CNTN5: variants seen among roughly 807,000 people sequenced by gnomAD.
The protein encoded by CNTN5 is contactin 5, also known as contactin-5.
A neutral mutation model predicts 129.1 loss-of-function variants in CNTN5; 77 were observed. The observed-to-expected ratio is 0.60, with a 90% CI of 0.50 to 0.72. CNTN5 has a LOEUF of 0.72. CNTN5 is among the 30% of genes least tolerant of loss of function. The probability of loss-of-function intolerance (pLI) is 0.00; values close to 1 mark genes in which losing one functional copy is unlikely to be tolerated. For missense variants in CNTN5, 1,478 were observed against 1,328.8 expected, an observed-to-expected ratio of 1.11 and a Z score of -1.75; for synonymous variants, 509 against 465.6, an observed-to-expected ratio of 1.09 and a Z score of -1.20.
chr11:99,046,072 C>T (rs1216149222), intron 1 of CNTN5, among the ~76,000 whole-genome samples: 2 of 152,184 alleles, frequency 1.3e-5, no homozygotes, highest in Admixed American at 1.3e-4. Flanking sequence ...GGTGCGGTGG[C>T]TCACGCCTGT....
chr11:100,275,096 C>A (rs370717188), intron 18 of CNTN5, among the ~76,000 whole-genome samples: 22 of 148,962 alleles, frequency 1.5e-4, no homozygotes, highest in South Asian at 2.1e-4. Context: ...ATTAAACAAC[C>A]AAAAAAAAAA....
At position 99,525,154 on chromosome 11, in the gene CNTN5, T is replaced by A. The variant is rs963046802; in HGVS notation, c.-70-30991T>A. 3.3e-5 allele frequency among the ~76,000 whole-genome samples: 5 copies of A among 152,170 alleles called. No individual in the cohort carries two copies. In the South Asian group the frequency reaches 1.0e-3, roughly 32 times the overall value. ...AAGCCAATTTAAAGGGAGGCTTTTTTTTTACATTAGGAAGACCTATCTTCT... is the reference window on the plus strand; with the variant it reads ...AAGCCAATTTAAAGGGAGGCTTTTTATTTACATTAGGAAGACCTATCTTCT... On this transcript the variant is annotated intron_variant, in intron 2 of 24. Transcript: ENST00000524871.
At chr11:99,653,209 TAGAC>T (rs1453241818) in intron 3 of CNTN5, among the ~76,000 whole-genome samples, 6 of 152,068 alleles carry the variant, frequency 3.9e-5, no homozygotes, top group Admixed American at 1.3e-4. Context: ...AGTGAACTCA[TAGAC>T]AGATTGGATT....
chr11:99,799,858 T>G (rs1028302272), intron 3 of CNTN5, among the ~76,000 whole-genome samples: 2 of 152,130 alleles, frequency 1.3e-5, no homozygotes, highest in Admixed American at 6.5e-5. Flanking sequence ...GGAATTTGGC[T>G]GTGAATCCAT....
chr11:100,122,555 G>A (rs900347943), intron 13 of CNTN5, among the ~76,000 whole-genome samples: 8 of 152,040 alleles, frequency 5.3e-5, no homozygotes, highest in African/African-American at 1.9e-4. Context: ...AGTCCAATCT[G>A]GAGAGGTCAG....
rs184028875 is a variant in CNTN5, at chr11:100,002,797, T to G, written c.980+661T>G. Among the ~76,000 whole-genome samples, 606 of 152,248 alleles carry G rather than the reference T, an allele frequency of 4.0e-3. 4 individuals are homozygous for G. Among genetic ancestry groups the G allele is most frequent in the African/African-American group, 0.014 (568 of 41,566 alleles). On this transcript the variant is annotated intron_variant, in intron 9 of 24. Coordinates refer to ENST00000524871, the MANE Select transcript of CNTN5 (RefSeq NM_014361.4). The stretch of plus-strand genomic sequence containing the variant: ...GAGATCAGAGGCAGAAGTGGAATTT[T>G]GATTATATTTGATTATTGTATTATG...
chr11:100,306,232 G>A (rs1951346630), intron 20 of CNTN5, among the ~76,000 whole-genome samples: 1 of 151,610 alleles, frequency 6.6e-6, no homozygotes, highest in South Asian at 2.1e-4. Flanking sequence ...AAAAGTTAAG[G>A]TGCTTGTTTG....
chr11:100,020,045 A>C (rs188297712), intron 9 of CNTN5, among the ~76,000 whole-genome samples: 1 of 152,054 alleles, frequency 6.6e-6, no homozygotes, highest in African/African-American at 2.4e-5. Context: ...AATCTTTATC[A>C]TATATATGAT....
intron 2 of CNTN5, among the ~76,000 whole-genome samples, chr11:99,411,521 AAAATAAAT>A (rs953278056): frequency 7.9e-5 from 12 of 151,760 alleles, no homozygotes; most frequent in African/African-American, 2.2e-4. Flanking sequence ...CCTTGTCTCA[AAAATAAAT>A]AAATAAATAC....
intron 1 of CNTN5, among the ~76,000 whole-genome samples, chr11:99,313,780 G>A (rs1258182850): frequency 6.6e-6 from 1 of 151,926 alleles, no homozygotes; most frequent in Non-Finnish European, 1.5e-5. Context: ...CAACTGAACA[G>A]CAAATATTTA....
intron 1 of CNTN5, among the ~76,000 whole-genome samples, chr11:99,226,031 G>A (rs17133291): frequency 5.3e-5 from 8 of 152,054 alleles, no homozygotes; most frequent in African/African-American, 1.7e-4. Flanking sequence ...TGAAGTCATC[G>A]TACAAATAAG....
At chr11:99,955,583 A>C (rs1950780414) in intron 7 of CNTN5, among the ~76,000 whole-genome samples, 1 of 151,890 alleles carries the variant, frequency 6.6e-6, no homozygotes, top group Non-Finnish European at 1.5e-5. Context: ...TTTTTGAGAC[A>C]GAGTCTTGCT....
intron 13 of CNTN5, among the ~76,000 whole-genome samples, chr11:100,115,551 A>G (rs1945815446): frequency 6.6e-6 from 1 of 152,058 alleles, no homozygotes; most frequent in African/African-American, 2.4e-5. Context: ...TGAACACGCC[A>G]GCAGAATGTA....
chr11:99,826,289 G>T lies in CNTN5; in HGVS notation c.277+6524G>T, dbSNP rs7932178. 1.2e-3 allele frequency among the ~76,000 whole-genome samples: 185 copies of T among 152,196 alleles called. 1 individual carries two copies. Among genetic ancestry groups the T allele is most frequent in the African/African-American group, 4.1e-3 (172 of 41,516 alleles). Reference sequence around the variant, plus strand: ...TATAATGACATTTTGAGGCATTACAGTTCTGTTGGGGCTATTGAGATTCAG... The same window carrying T: ...TATAATGACATTTTGAGGCATTACATTTCTGTTGGGGCTATTGAGATTCAG... On this transcript the variant is annotated intron_variant, in intron 4 of 24. Coordinates refer to ENST00000524871, the MANE Select transcript of CNTN5 (RefSeq NM_014361.4).
In CNTN5 at chr11:99,448,730, TTTTTATTTTATTTTATTTTA is replaced by T. The variant is rs57789569; in HGVS notation, c.-70-107370_-70-107351del. On this transcript the variant is annotated intron_variant, in intron 2 of 24. Transcript: ENST00000524871. ...TAATTTGCCTAAAATTGTACAATTG[TTTTTATTTTATTTTATTTTA>T]TTTTATTTTATTTTATTTTATTTTA... Among the ~76,000 whole-genome samples the T allele has an allele frequency of 7.9e-4, 97 of 123,350 alleles. No homozygotes were observed. The South Asian group carries it at 9.1e-3, about 12-fold the overall frequency. 80.9% of individuals were successfully genotyped at this position (123,350 alleles called of 152,430 possible).
At chr11:99,242,050 T>C (rs954653936) in intron 1 of CNTN5, among the ~76,000 whole-genome samples, 4 of 152,278 alleles carry the variant, frequency 2.6e-5, no homozygotes, top group Admixed American at 2.6e-4. Context: ...ATTATGATGG[T>C]AAATGCCATT....
chr11:100,262,547 C>T (rs534912761), intron 17 of CNTN5, among the ~76,000 whole-genome samples: 3 of 152,266 alleles, frequency 2.0e-5, no homozygotes, highest in African/African-American at 4.8e-5. Flanking sequence ...ACCCAAATGC[C>T]CATCAATGAT....
chr11:99,399,888 G>A (rs1010772125), intron 2 of CNTN5, among the ~76,000 whole-genome samples: 6 of 151,352 alleles, frequency 4.0e-5, no homozygotes, highest in African/African-American at 1.5e-4. Context: ...ATAGAAGGTG[G>A]ATACATTTAT....
chr11:99,523,859 G>A (rs184633393), intron 2 of CNTN5, among the ~76,000 whole-genome samples: 45 of 152,208 alleles, frequency 3.0e-4, no homozygotes, highest in African/African-American at 7.2e-4. Context: ...TTTACTGAGC[G>A]CATGCTGATG....
Sources: allele counts gnomAD v4.1 joint callset (sites outside exome capture counted in the v4.1 genomes callset), GRCh38; gene constraint gnomAD v4.1.1; transcripts MANE v1.5; gene names NCBI Gene and HGNC (gene_info 2026-07-23, HGNC 2026-07-21).